Variants in DUS2 observed in about 807,000 individuals in gnomAD.
DUS2 encodes the protein tRNA-dihydrouridine(20) synthase [NAD(P)+]-like.
Under a neutral mutation model 71.3 loss-of-function variants are expected in DUS2, and 52 were observed. The ratio of observed to expected loss-of-function variants is 0.73; its 90% CI spans 0.58 to 0.92. The LOEUF is 0.92. Ranked by LOEUF, DUS2 falls within the 40% of genes least tolerant of loss-of-function variation. The pLI is 0.00. For missense variants in DUS2, 558 were observed against 622.6 expected, an observed-to-expected ratio of 0.90 and a Z score of 1.10; for synonymous variants, 204 against 227.8, an observed-to-expected ratio of 0.90 and a Z score of 0.94.
At chr16:68,038,172 G>A (rs1385751914) in intron 3 of DUS2, 23 bp downstream of exon 3, 4 of 1,612,116 alleles carry the variant, frequency 2.5e-6, no homozygotes, top group East Asian at 2.2e-5. Flanking sequence ...GATTTTCTGG[G>A]TGGGCTTCTC....
intron 3 of DUS2, among the ~76,000 whole-genome samples, chr16:68,045,560 G>A (rs2033687824): frequency 6.6e-6 from 1 of 150,712 alleles, no homozygotes; most frequent in African/African-American, 2.4e-5. Flanking sequence ...GCAGTGAGCC[G>A]AGATCACGCC....
chr16:68,023,374 T>C, intron 1 of DUS2, 23 bp downstream of exon 1: 1 of 806,242 alleles, frequency 1.2e-6, no homozygotes, highest in Non-Finnish European at 1.9e-6. Flanking sequence ...GAATAGGGGA[T>C]GGCGACATCC....
intron 9 of DUS2, 45 bp from the exon 10 acceptor site, chr16:68,066,521 C>G (rs781754215): frequency 1.9e-5 from 31 of 1,608,814 alleles, no homozygotes; most frequent in Non-Finnish European, 2.6e-5. Flanking sequence ...AGCAGCTGCT[C>G]CTTCTGGAGC....
chr16:68,041,093 C>A (rs563435176), intron 3 of DUS2, among the ~76,000 whole-genome samples: 2 of 152,072 alleles, frequency 1.3e-5, no homozygotes, highest in Admixed American at 6.6e-5. Flanking sequence ...TAGCTGTACG[C>A]GGTGGTGCAC....
intron 2 of DUS2, among the ~76,000 whole-genome samples, chr16:68,036,192 G>T (rs1398755510): frequency 1.4e-5 from 2 of 138,838 alleles, no homozygotes; most frequent in African/African-American, 5.4e-5. Context: ...ACAGAGTCTT[G>T]CTCTGTCGCC....
In DUS2 at chr16:68,062,213, G is replaced by T. The variant is rs375231447; in HGVS notation, c.417+1100G>T. Among the ~76,000 whole-genome samples the T allele has an allele frequency of 7.9e-5, 12 of 151,880 alleles. 1 individual carries two copies. In the East Asian group the frequency reaches 1.2e-3, roughly 15 times the overall value. On this transcript the variant is annotated intron_variant, in intron 8 of 16. Transcript: ENST00000565263. ...TTTAGTAGAGATGGGGTTTTGTCATGTTGGCCACGCTGGTCTTGAACTCCT... is the reference window on the plus strand; with the variant it reads ...TTTAGTAGAGATGGGGTTTTGTCATTTTGGCCACGCTGGTCTTGAACTCCT...
At chr16:68,057,084 A>G (rs1458166345) in intron 7 of DUS2, among the ~76,000 whole-genome samples, 1 of 107,168 alleles carries the variant, frequency 9.3e-6, no homozygotes, top group Non-Finnish European at 2.0e-5. Flanking sequence ...ATAAATATAT[A>G]ATATATAATT....
chr16:68,046,925 T>G (rs950844512), intron 3 of DUS2, among the ~76,000 whole-genome samples: 2 of 152,062 alleles, frequency 1.3e-5, no homozygotes, highest in African/African-American at 4.8e-5. Flanking sequence ...TTTGTTTTTG[T>G]ATTTTTAGTA....
intron 7 of DUS2, 95 bp downstream of exon 7, chr16:68,056,519 T>C (rs1308611365): frequency 9.9e-7 from 1 of 1,011,546 alleles, no homozygotes; most frequent in African/African-American, 1.6e-5. Context: ...CTGGACTGGA[T>C]TCTGTACTAG....
intron 4 of DUS2, among the ~76,000 whole-genome samples, chr16:68,051,028 A>G (rs2033771337): frequency 6.6e-6 from 1 of 151,918 alleles, no homozygotes; most frequent in African/African-American, 2.4e-5. Flanking sequence ...GGATGATAAT[A>G]AAACCATCCA....
intron 12 of DUS2, among the ~76,000 whole-genome samples, chr16:68,073,600 C>CCACCA (rs1233772044): frequency 6.6e-6 from 1 of 152,102 alleles, no homozygotes; most frequent in Non-Finnish European, 1.5e-5. Context: ...CAGGCACCCG[C>CCACCA]CACCACGCCC....
chr16:68,037,459 C>G (rs1318616743), intron 2 of DUS2, among the ~76,000 whole-genome samples: 1 of 150,346 alleles, frequency 6.7e-6, no homozygotes, highest in African/African-American at 2.5e-5. Context: ...CTCTTGTTGC[C>G]CAGGCGGGGG....
rs374094630 is a variant in DUS2, at chr16:68,054,742, G to GGTTAAGA, written c.308+128_308+134dup. On this transcript the variant is annotated intron_variant, in intron 6 of 16. Coordinates refer to ENST00000565263, the MANE Select transcript of DUS2 (RefSeq NM_017803.5). ...TCTAGCCCATTACCTTCTGTTTCCAGGTTAAGAGTGCCTGGTTTCCAGCCA... is the reference window on the plus strand; with the variant it reads ...TCTAGCCCATTACCTTCTGTTTCCAGGTTAAGAGTTAAGAGTGCCTGGTTTCCAGCCA... 1.3e-3 allele frequency: 1,543 copies of GGTTAAGA among 1,173,666 alleles called. 21 individuals carry two copies. In the African/African-American group the frequency reaches 0.021, roughly 16 times the overall value. 72.7% of individuals were successfully genotyped at this position (1,173,666 alleles called of 1,614,324 possible).
intron 2 of DUS2, among the ~76,000 whole-genome samples, chr16:68,036,372 G>A (rs1341017437): frequency 1.3e-5 from 2 of 152,034 alleles, no homozygotes; most frequent in African/African-American, 2.4e-5. Flanking sequence ...TCTTGGCCAG[G>A]CTGGTCTTGA....
chr16:68,030,593 A>AAAAT (rs144497451), intron 2 of DUS2, among the ~76,000 whole-genome samples: 9 of 152,132 alleles, frequency 5.9e-5, no homozygotes, highest in East Asian at 3.9e-4. Context: ...TCCATCTCAA[A>AAAAT]AAATAAATAA....
At chr16:68,045,071 G>A (rs992696469) in intron 3 of DUS2, among the ~76,000 whole-genome samples, 2 of 152,170 alleles carry the variant, frequency 1.3e-5, no homozygotes, top group Non-Finnish European at 2.9e-5. Flanking sequence ...GGAATTACAG[G>A]CGTGAGCCAC....
intron 2 of DUS2, among the ~76,000 whole-genome samples, chr16:68,029,212 A>G (rs1490773870): frequency 6.6e-6 from 1 of 151,360 alleles, no homozygotes; most frequent in African/African-American, 2.4e-5. Context: ...CTCTAAAAAA[A>G]AAAAGCTATA....
intron 3 of DUS2, 135 bp from the exon 4 acceptor site, chr16:68,049,370 T>C (rs2033746522): frequency 3.7e-6 from 3 of 806,618 alleles, no homozygotes; most frequent in South Asian, 3.2e-5. Flanking sequence ...TAGCACTACA[T>C]GTCCCAAAAG....
intron 8 of DUS2, 120 bp from the exon 9 acceptor site, chr16:68,066,197 A>G: frequency 1.1e-6 from 1 of 881,390 alleles, no homozygotes; most frequent in Non-Finnish European, 1.9e-6. Context: ...ACATGCATTC[A>G]CACATATGCA....
Sources: allele counts gnomAD v4.1 joint callset (sites outside exome capture counted in the v4.1 genomes callset), GRCh38; gene constraint gnomAD v4.1.1; transcripts MANE v1.5; gene names NCBI Gene and HGNC (gene_info 2026-07-23, HGNC 2026-07-21).